Variants in KLHL1 observed in about 807,000 individuals in gnomAD.
KLHL1 encodes kelch like family member 1.
In KLHL1, 47 loss-of-function variants were observed where a neutral mutation model predicts 77.7. The observed-to-expected ratio is 0.60, with a 90% CI of 0.48 to 0.77. The LOEUF (loss-of-function observed/expected upper bound fraction) is 0.77, where lower values mean the gene tolerates loss of function less well. Among genes scored for constraint, KLHL1 ranks in the 30% least tolerant of loss-of-function variants. KLHL1 has a pLI of 0.00. For synonymous variants in KLHL1, 360 were observed against 325.2 expected, an observed-to-expected ratio of 1.11 and a Z score of -1.15; for missense variants, 925 against 910.8, an observed-to-expected ratio of 1.02 and a Z score of -0.20.
At chr13:70,061,543 C>T (rs1300105008) in intron 1 of KLHL1, among the ~76,000 whole-genome samples, 2 of 152,134 alleles carry the variant, frequency 1.3e-5, no homozygotes, top group African/African-American at 4.8e-5. Flanking sequence ...GATCCTCAAG[C>T]TGTGCCTGAG....
intron 3 of KLHL1, among the ~76,000 whole-genome samples, chr13:69,956,959 G>A (rs150120644): frequency 1.3e-5 from 2 of 151,582 alleles, no homozygotes; most frequent in African/African-American, 2.4e-5. Flanking sequence ...GCTACTTCTC[G>A]AGGTGATTTG....
chr13:69,860,320 T>C (rs1363058157), intron 5 of KLHL1, among the ~76,000 whole-genome samples: 1 of 152,008 alleles, frequency 6.6e-6, no homozygotes, highest in East Asian at 1.9e-4. Flanking sequence ...ATGACAAGTA[T>C]TCTTGTATTA....
intron 1 of KLHL1, among the ~76,000 whole-genome samples, chr13:70,066,634 T>G (rs2137412131): frequency 6.6e-6 from 1 of 152,308 alleles, no homozygotes; most frequent in South Asian, 2.1e-4. Context: ...ACTGATAATG[T>G]TGGGAGAATT....
chr13:69,897,405 A>C (rs899910648), intron 4 of KLHL1, among the ~76,000 whole-genome samples: 4 of 152,212 alleles, frequency 2.6e-5, no homozygotes, highest in Non-Finnish European at 5.9e-5. Context: ...CCTTGACATC[A>C]ACGGACATTC....
chr13:70,024,526 G>GT (rs1246046797), intron 1 of KLHL1, among the ~76,000 whole-genome samples: 3 of 151,710 alleles, frequency 2.0e-5, no homozygotes, highest in Non-Finnish European at 2.9e-5. Flanking sequence ...CTCAACGTAA[G>GT]TTTTTTCTAG....
At chr13:70,056,743 AAGAG>A (rs2137399326) in intron 1 of KLHL1, among the ~76,000 whole-genome samples, 1 of 152,264 alleles carries the variant, frequency 6.6e-6, no homozygotes, top group South Asian at 2.1e-4. Flanking sequence ...TGAGGAAATT[AAGAG>A]AGAAATTTTT....
intron 5 of KLHL1, among the ~76,000 whole-genome samples, chr13:69,880,072 G>A (rs754160189): frequency 6.6e-6 from 1 of 152,062 alleles, no homozygotes; most frequent in African/African-American, 2.4e-5. Flanking sequence ...CAGGGAAATG[G>A]CACTCATATT....
chr13:70,049,508 C>A lies in KLHL1; in HGVS notation c.497+57695G>T, dbSNP rs1038469525. Among the ~76,000 whole-genome samples, 3 of 152,146 alleles carry A rather than the reference C, an allele frequency of 2.0e-5. No homozygotes were observed. The East Asian group carries it at 5.8e-4, about 29-fold the overall frequency. Reference sequence around the variant, plus strand: ...CACAAAGGGACTGCAGCTATTTCACCTGTGCTCCCATCATCTGGTGAAGGG... The same window carrying A: ...CACAAAGGGACTGCAGCTATTTCACATGTGCTCCCATCATCTGGTGAAGGG... On this transcript the variant is annotated intron_variant, in intron 1 of 10. Transcript: ENST00000377844.
chr13:69,724,772 C>G (rs984265097), intron 8 of KLHL1, among the ~76,000 whole-genome samples: 1 of 152,034 alleles, frequency 6.6e-6, no homozygotes, highest in Non-Finnish European at 1.5e-5. Flanking sequence ...GCAGAAAATG[C>G]ATTTCACAAA....
intron 7 of KLHL1, among the ~76,000 whole-genome samples, chr13:69,741,031 T>C (rs1873966286): frequency 6.6e-6 from 1 of 152,190 alleles, no homozygotes; most frequent in African/African-American, 2.4e-5. Flanking sequence ...CTTAAAGCAA[T>C]GTAATATTAC....
At chr13:70,005,418 G>A (rs770297730) in intron 1 of KLHL1, among the ~76,000 whole-genome samples, 15 of 151,958 alleles carry the variant, frequency 9.9e-5, no homozygotes, top group African/African-American at 2.9e-4. Context: ...AGCTTAGAAC[G>A]TGGCCCAACA....
At chr13:69,753,127 T>C (rs1289833303) in intron 7 of KLHL1, among the ~76,000 whole-genome samples, 2 of 152,128 alleles carry the variant, frequency 1.3e-5, no homozygotes, top group Non-Finnish European at 2.9e-5. Context: ...AGTTCTAAAG[T>C]TTCTCCCCCA....
chr13:69,977,279 T>A (rs554941146), intron 1 of KLHL1, among the ~76,000 whole-genome samples: 1 of 152,130 alleles, frequency 6.6e-6, no homozygotes, highest in East Asian at 1.9e-4. Context: ...TTAATAGATA[T>A]AAAAATAACT....
intron 1 of KLHL1, among the ~76,000 whole-genome samples, chr13:70,050,671 A>C (rs1420365989): frequency 6.6e-6 from 1 of 152,028 alleles, no homozygotes. Flanking sequence ...ATGATGATGC[A>C]AACTTCTGCT....
intron 7 of KLHL1, among the ~76,000 whole-genome samples, chr13:69,763,174 TTAC>T (rs1481953167): frequency 3.9e-5 from 6 of 152,216 alleles, no homozygotes; most frequent in Non-Finnish European, 8.8e-5. Flanking sequence ...TTAAATTTTC[TTAC>T]TAGAGTTGTG....
chr13:69,985,362 C>T (rs990394300), intron 1 of KLHL1, among the ~76,000 whole-genome samples: 2 of 151,212 alleles, frequency 1.3e-5, no homozygotes, highest in African/African-American at 4.9e-5. Context: ...TACAAATGGC[C>T]AATAGATATA....
At chr13:70,036,333 T>C (rs1027405404) in intron 1 of KLHL1, among the ~76,000 whole-genome samples, 7 of 152,028 alleles carry the variant, frequency 4.6e-5, no homozygotes, top group African/African-American at 1.7e-4. Flanking sequence ...TATGTAAATA[T>C]AAGAAATTCA....
At chr13:69,766,691 G>A (rs1875320964) in intron 7 of KLHL1, among the ~76,000 whole-genome samples, 1 of 152,052 alleles carries the variant, frequency 6.6e-6, no homozygotes, top group African/African-American at 2.4e-5. Flanking sequence ...CCAAAGCTCA[G>A]TCACAAGTCT....
intron 1 of KLHL1, among the ~76,000 whole-genome samples, chr13:69,997,962 A>G (rs973661752): frequency 6.6e-6 from 1 of 151,880 alleles, no homozygotes; most frequent in Non-Finnish European, 1.5e-5. Flanking sequence ...TCTTTTGGAT[A>G]TATACACAGA....
Sources: allele counts gnomAD v4.1 joint callset (sites outside exome capture counted in the v4.1 genomes callset), GRCh38; gene constraint gnomAD v4.1.1; transcripts MANE v1.5; gene names NCBI Gene and HGNC (gene_info 2026-07-23, HGNC 2026-07-21).